The following GPHN variants were observed in gnomAD, a reference collection of about 807,000 sequenced individuals.
GPHN encodes gephyrin.
In GPHN, 17 loss-of-function variants were observed where a neutral mutation model predicts 95.5. That is an observed-to-expected ratio of 0.18 (90% CI 0.12 to 0.27). The LOEUF is 0.27. Ranked by LOEUF, GPHN falls within the 10% of genes least tolerant of loss-of-function variation. The probability of loss-of-function intolerance (pLI) is 1.00; values close to 1 mark genes in which losing one functional copy is unlikely to be tolerated. For synonymous variants in GPHN, 320 were observed against 322.5 expected, an observed-to-expected ratio of 0.99 and a Z score of 0.08; for missense variants, 660 against 978.1, an observed-to-expected ratio of 0.67 and a Z score of 4.34.
At chr14:67,455,628 C>T in the GPHN span, among the ~76,000 whole-genome samples, 1 of 152,058 alleles carries the variant, frequency 6.6e-6, no homozygotes, top group Non-Finnish European at 1.5e-5. Flanking sequence ...GCATGTTAAT[C>T]CTGAGACACT....
intron 2 of GPHN, among the ~76,000 whole-genome samples, chr14:66,735,649 C>T (rs1446008712): frequency 6.6e-6 from 1 of 151,860 alleles, no homozygotes; most frequent in Admixed American, 6.6e-5. Flanking sequence ...ATTGAGACAC[C>T]CAGAGCACCT....
At chr14:67,387,401 T>A in the GPHN span, 51 of 1,610,450 alleles carry the variant, frequency 3.2e-5, no homozygotes, top group Admixed American at 5.1e-5. Flanking sequence ...TGTAATAGTG[T>A]GTGTCATCCT....
chr14:67,396,236 C>G, the GPHN span, among the ~76,000 whole-genome samples: 2 of 151,960 alleles, frequency 1.3e-5, no homozygotes, highest in African/African-American at 4.8e-5. Flanking sequence ...CAAACTCCGG[C>G]TCCCAGGTTC....
chr14:66,974,388 C>G (rs1453174165), intron 9 of GPHN, among the ~76,000 whole-genome samples: 1 of 151,658 alleles, frequency 6.6e-6, no homozygotes, highest in African/African-American at 2.4e-5. Flanking sequence ...TTATAATTAT[C>G]ATTATAATGA....
the GPHN span, among the ~76,000 whole-genome samples, chr14:67,280,853 T>TTCCTTCCCTCCTTCCC: frequency 6.0e-3 from 464 of 77,458 alleles, no homozygotes; most frequent in Non-Finnish European, 6.6e-3. Flanking sequence ...CCTTCCTTCC[T>TTCCTTCCCTCCTTCCC]TCCCTCCCTC....
chr14:67,568,771 A>C, the GPHN span, among the ~76,000 whole-genome samples: 5 of 152,140 alleles, frequency 3.3e-5, no homozygotes, highest in African/African-American at 1.2e-4. Flanking sequence ...AAGGGTCTCT[A>C]AAACGGGTAG....
At chr14:66,641,892 C>T (rs2064432776) in intron 1 of GPHN, among the ~76,000 whole-genome samples, 1 of 152,076 alleles carries the variant, frequency 6.6e-6, no homozygotes, top group South Asian at 2.1e-4. Flanking sequence ...ATGACTATCT[C>T]TTCTGAAATT....
the GPHN span, among the ~76,000 whole-genome samples, chr14:67,297,484 T>A: frequency 1.3e-5 from 2 of 152,180 alleles, no homozygotes; most frequent in Non-Finnish European, 2.9e-5. Context: ...ATAAAACATT[T>A]AAAGCAAGAA....
rs148517726 is a variant in GPHN at position 66,796,874 on chromosome 14, G to A, written c.201+20353G>A. Among the ~76,000 whole-genome samples, 453 of 151,964 alleles carry A rather than the reference G, an allele frequency of 3.0e-3. 3 individuals carry two copies. The highest frequency in any genetic ancestry group is 0.01 in the African/African-American group (435 of 41,500). On this transcript the variant is annotated intron_variant, in intron 3 of 22. Coordinates refer to ENST00000478722, the MANE Select transcript of GPHN (RefSeq NM_020806.5). ...CTTTGGTTACCTATGCTTGTGGAGT[G>A]TTACTCAAGAAATCTTTGCCCAGAT...
the GPHN span, chr14:67,573,449 C>T: frequency 9.4e-7 from 1 of 1,067,470 alleles, no homozygotes; most frequent in Non-Finnish European, 1.4e-6. This position sits in a 1 kb window ranked among gnomAD's most constrained non-coding sequence, Gnocchi z 4.8. Context: ...TGGACTATGT[C>T]AGATGGGACG....
At chr14:66,545,772 G>GC (rs2059559306) in intron 1 of GPHN, among the ~76,000 whole-genome samples, 1 of 148,474 alleles carries the variant, frequency 6.7e-6, no homozygotes, top group African/African-American at 2.5e-5. Flanking sequence ...GGGGCAGCTG[G>GC]CCGGGCAGAG....
chr14:66,518,816 A>G (rs1037790747), intron 1 of GPHN, among the ~76,000 whole-genome samples: 4 of 152,124 alleles, frequency 2.6e-5, no homozygotes, highest in African/African-American at 9.7e-5. Flanking sequence ...AACAGAGGAT[A>G]CTAGAGACTG....
At chr14:67,481,286 AAAAG>A in the GPHN span, among the ~76,000 whole-genome samples, 4 of 152,208 alleles carry the variant, frequency 2.6e-5, no homozygotes, top group African/African-American at 4.8e-5. Flanking sequence ...TGTCTCTTAA[AAAAG>A]AAAGAAAGAA....
At chr14:67,577,456 C>T in the GPHN span, 1 of 1,267,032 alleles carries the variant, frequency 7.9e-7, no homozygotes, top group Middle Eastern at 1.9e-4. Flanking sequence ...GGGATACTTG[C>T]AATACTTGGG....
the GPHN span, among the ~76,000 whole-genome samples, chr14:67,422,021 T>A: frequency 6.6e-6 from 1 of 152,158 alleles, no homozygotes; most frequent in Non-Finnish European, 1.5e-5. Context: ...GAATACCCTC[T>A]AGCTGGGGAG....
chr14:66,919,382 A>G (rs2066083757), intron 6 of GPHN, among the ~76,000 whole-genome samples: 1 of 152,234 alleles, frequency 6.6e-6, no homozygotes, highest in East Asian at 1.9e-4. Flanking sequence ...TGATTAGAAG[A>G]TGGGAAAAGA....
intron 1 of GPHN, among the ~76,000 whole-genome samples, chr14:66,654,049 A>G (rs1170306610): frequency 6.6e-6 from 1 of 152,212 alleles, no homozygotes; most frequent in Admixed American, 6.5e-5. Flanking sequence ...TGAACTATGA[A>G]TGATCCAATT....
chr14:67,569,216 G>A, the GPHN span: 24 of 1,607,112 alleles, frequency 1.5e-5, no homozygotes, highest in African/African-American at 1.2e-4. Context: ...TGCATGCTGC[G>A]GTGAGTTCCA....
At chr14:67,607,655 A>G in the GPHN span, among the ~76,000 whole-genome samples, 3 of 152,022 alleles carry the variant, frequency 2.0e-5, no homozygotes, top group Non-Finnish European at 4.4e-5. Flanking sequence ...GTGAGCCACC[A>G]CGCCCGGCCT....
Sources: gnomAD v4.1 joint callset for allele counts (sites outside exome capture counted in the v4.1 genomes callset) on GRCh38, gnomAD v4.1.1 for gene constraint, Gnocchi (gnomAD v3.1) non-coding constraint, MANE v1.5 for transcripts, NCBI Gene and HGNC (gene_info 2026-07-23, HGNC 2026-07-21) for gene names.